NRF1: variants seen among roughly 807,000 people sequenced by gnomAD.
NRF1 encodes the protein nuclear respiratory factor 1.
NRF1 carries 5 observed loss-of-function variants against 58.5 expected under a neutral mutation model. The ratio of observed to expected loss-of-function variants is 0.09; its 90% confidence interval spans 0.04 to 0.18. The LOEUF (loss-of-function observed/expected upper bound fraction) is 0.18. Ranked by LOEUF, NRF1 falls within the 10% of genes least tolerant of loss-of-function variation. The pLI, the probability that NRF1 is intolerant of heterozygous loss-of-function variation, is 1.00. For missense variants in NRF1, 288 were observed against 657.7 expected, an observed-to-expected ratio of 0.44 and a Z score of 6.15; for synonymous variants, 224 against 246.7, an observed-to-expected ratio of 0.91 and a Z score of 0.86.
chr7:129,705,292 G>C (rs1168477755), intron 5 of NRF1, among the ~76,000 whole-genome samples: 2 of 151,838 alleles, frequency 1.3e-5, no homozygotes, highest in African/African-American at 4.8e-5. Context: ...TTGTTTCTTG[G>C]TTTGTTTTTT....
At chr7:129,623,981 G>A (rs929707262) in intron 1 of NRF1, among the ~76,000 whole-genome samples, 1 of 152,180 alleles carries the variant, frequency 6.6e-6, no homozygotes, top group African/African-American at 2.4e-5. Flanking sequence ...AGGTATGAAA[G>A]CAAGAGCTAA....
chr7:129,733,576 T>C lies in NRF1; in HGVS notation c.1348+6211T>C, dbSNP rs184581583. ...TAAAATTGACTCAAGTTTTCTCCTC[T>C]GCTTCTACCCCAGCTTTCCCCAGGT... On this transcript the variant is annotated intron_variant, in intron 10 of 10. Coordinates refer to ENST00000393232, the MANE Select transcript of NRF1 (RefSeq NM_005011.5). Among the ~76,000 whole-genome samples, 39 of 152,338 alleles carry C rather than the reference T, an allele frequency of 2.6e-4. No homozygotes were observed. In the East Asian group the frequency reaches 7.1e-3, roughly 28 times the overall value.
chr7:129,663,977 C>A (rs1389024501), intron 2 of NRF1, among the ~76,000 whole-genome samples: 1 of 152,188 alleles, frequency 6.6e-6, no homozygotes, highest in Non-Finnish European at 1.5e-5. Flanking sequence ...ATACGAAAAC[C>A]AGTCAGGAGT....
At chr7:129,681,477 G>A (rs925177278) in intron 4 of NRF1, among the ~76,000 whole-genome samples, 8 of 152,176 alleles carry the variant, frequency 5.3e-5, no homozygotes, top group African/African-American at 1.4e-4. Flanking sequence ...ATAAATCATG[G>A]ATCACGGCAT....
chr7:129,694,828 G>A (rs918671648), intron 5 of NRF1, among the ~76,000 whole-genome samples: 4 of 152,186 alleles, frequency 2.6e-5, no homozygotes, highest in African/African-American at 7.2e-5. Context: ...TCTCTAGATG[G>A]CAGGTTGGCA....
At position 129,717,368 on chromosome 7, in the gene NRF1, G is replaced by A. The variant is rs373325490; in HGVS notation, c.1215G>A (p.Ala405=). 96 of 1,608,986 alleles carry A rather than the reference G, an allele frequency of 6.0e-5. 1 individual carries two copies. The South Asian group carries it at 6.8e-4, about 11-fold the overall frequency. ...EMQQGATVTM[A]LNSEAAAHAV... ...AGCAGGGAGCTACAGTCACTATGGC[G>A]CTTAACAGGTGGTGGCAAGAGTGTG... Residue 405 remains alanine (A), a synonymous_variant, in exon 9 of 11, where the codon GCG becomes GCA. Transcript: ENST00000393232.
At chr7:129,623,221 A>G (rs1369480512) in intron 1 of NRF1, among the ~76,000 whole-genome samples, 3 of 152,156 alleles carry the variant, frequency 2.0e-5, no homozygotes, top group Non-Finnish European at 2.9e-5. Flanking sequence ...TTCCTGAGCT[A>G]AGATTTCTAT....
At chr7:129,640,973 G>C (rs78042157) in intron 1 of NRF1, among the ~76,000 whole-genome samples, 117 of 152,224 alleles carry the variant, frequency 7.7e-4, no homozygotes, top group African/African-American at 2.7e-3. Context: ...TCTTCATCAG[G>C]GTGTTATTTG....
chr7:129,653,785 TC>T (rs1801592032), intron 1 of NRF1, among the ~76,000 whole-genome samples: 1 of 152,236 alleles, frequency 6.6e-6, no homozygotes, highest in South Asian at 2.1e-4. Context: ...TTAAGCTTCT[TC>T]TACATTTTCT....
chr7:129,634,044 AT>A (rs1366521995), intron 1 of NRF1, among the ~76,000 whole-genome samples: 6,074 of 53,440 alleles, frequency 0.11, 184 homozygotes, highest in Middle Eastern at 0.2. Flanking sequence ...AAAAAAAAAG[AT>A]ATATATATAT....
rs1005809307 is a variant in NRF1, at chr7:129,741,759, C to A, written c.1349-13259C>A. Among the ~76,000 whole-genome samples, 17 of 152,052 alleles carry A rather than the reference C, an allele frequency of 1.1e-4. No homozygotes were observed. The highest frequency in any genetic ancestry group is 1.9e-4 in the Non-Finnish European group (13 of 68,016). ...CTGTTATTAACTCTAATAGCTTGTCCCTCGCAGCCAGGATGGTTTGGGGCC... is the reference window on the plus strand; with the variant it reads ...CTGTTATTAACTCTAATAGCTTGTCACTCGCAGCCAGGATGGTTTGGGGCC... On this transcript the variant is annotated intron_variant, in intron 10 of 10. Coordinates refer to ENST00000393232, the MANE Select transcript of NRF1 (RefSeq NM_005011.5). The surrounding 1 kb of genome is among the most constrained non-coding windows in gnomAD (Gnocchi z 4.0).
At chr7:129,642,376 A>C (rs1801310702) in intron 1 of NRF1, among the ~76,000 whole-genome samples, 1 of 152,242 alleles carries the variant, frequency 6.6e-6, no homozygotes, top group Admixed American at 6.5e-5. Flanking sequence ...TATAATAGTG[A>C]GAAATTGGAA....
chr7:129,673,839 A>AT (rs912632961), intron 3 of NRF1, among the ~76,000 whole-genome samples: 3 of 151,358 alleles, frequency 2.0e-5, no homozygotes, highest in Middle Eastern at 3.2e-3. Flanking sequence ...TTAAAAAAAA[A>AT]TTTTTTTAAG....
chr7:129,681,822 C>A (rs1430915058), intron 4 of NRF1, among the ~76,000 whole-genome samples: 1 of 86,854 alleles, frequency 1.2e-5, no homozygotes, highest in African/African-American at 4.8e-5. Context: ...TACAGTGGCT[C>A]ATGCCTGTAA....
chr7:129,641,434 T>C (rs934710628), intron 1 of NRF1, among the ~76,000 whole-genome samples: 2 of 152,206 alleles, frequency 1.3e-5, no homozygotes, highest in African/African-American at 4.8e-5. Flanking sequence ...TACCTTCTGA[T>C]ACCTGTACTC....
At chr7:129,690,982 C>CGCAAGAATGTAAAAGTCAGAGTGACAGT (rs1409312341) in intron 5 of NRF1, among the ~76,000 whole-genome samples, 1 of 152,114 alleles carries the variant, frequency 6.6e-6, no homozygotes, top group Non-Finnish European at 1.5e-5. Flanking sequence ...AGCTTCCTTC[C>CGCAAGAATGTAAAAGTCAGAGTGACAGT]GCAAGAATGT....
chr7:129,732,765 G>C (rs1281692070), intron 10 of NRF1, among the ~76,000 whole-genome samples: 3 of 151,482 alleles, frequency 2.0e-5, no homozygotes, highest in Admixed American at 2.0e-4. Flanking sequence ...ACCACACCCA[G>C]CTATTTTTGT....
In NRF1 at chr7:129,754,197, A is replaced by T. The variant is rs1490983366; in HGVS notation, c.1349-821A>T. The stretch of plus-strand genomic sequence containing the variant: ...TCAAAATGGTCAGGGTTGGTGGTTC[A>T]CGCCTGTAATCCCAGCTATTCAGGA... On this transcript the variant is annotated intron_variant, in intron 10 of 10. Coordinates refer to ENST00000393232, the MANE Select transcript of NRF1 (RefSeq NM_005011.5). 2.0e-5 allele frequency among the ~76,000 whole-genome samples: 3 copies of T among 151,978 alleles called. No homozygotes were observed. The South Asian group carries it at 6.2e-4, about 32-fold the overall frequency.
intron 3 of NRF1, among the ~76,000 whole-genome samples, chr7:129,672,249 G>T (rs1164610652): frequency 7.1e-6 from 1 of 140,698 alleles, no homozygotes; most frequent in Non-Finnish European, 1.5e-5. Context: ...ATGTTGTCCA[G>T]GCTGGTCTGG....
Sources: allele counts gnomAD v4.1 joint callset (sites outside exome capture counted in the v4.1 genomes callset), GRCh38; gene constraint gnomAD v4.1.1; non-coding constraint Gnocchi (gnomAD v3.1); transcripts MANE v1.5; gene names NCBI Gene and HGNC (gene_info 2026-07-23, HGNC 2026-07-21).